The following PPP2R2C variants were observed in gnomAD, a reference collection of about 807,000 sequenced individuals.
The protein encoded by PPP2R2C is protein phosphatase 2, regulatory subunit B, gamma.
Under a neutral mutation model 45.3 loss-of-function variants are expected in PPP2R2C, and 10 were observed. The observed-to-expected ratio is 0.22, with a 90% CI of 0.14 to 0.37. The LOEUF (loss-of-function observed/expected upper bound fraction) is 0.37. Ranked by LOEUF, PPP2R2C falls within the 10% of genes least tolerant of loss-of-function variation. PPP2R2C has a pLI of 1.00. For missense variants in PPP2R2C, 308 were observed against 619.7 expected (o/e 0.50, Z 5.34); for synonymous variants, 257 against 245.4 (o/e 1.05, Z -0.44).
chr4:6,447,477 A>G (rs2108741606), intron 1 of PPP2R2C, among the ~76,000 whole-genome samples: 1 of 152,178 alleles, frequency 6.6e-6, no homozygotes, highest in East Asian at 1.9e-4. Flanking sequence ...TGTTGTGGAA[A>G]TGTGGATATT....
intron 2 of PPP2R2C, among the ~76,000 whole-genome samples, chr4:6,505,162 G>GAA (rs57523456): frequency 4.3e-4 from 64 of 147,464 alleles, no homozygotes; most frequent in Admixed American, 6.7e-4. Flanking sequence ...AAAGTGCTTG[G>GAA]AAAAAAAAAA....
At chr4:6,541,986 C>T (rs1724815642) in intron 1 of PPP2R2C, among the ~76,000 whole-genome samples, 1 of 152,228 alleles carries the variant, frequency 6.6e-6, no homozygotes, top group Non-Finnish European at 1.5e-5. Flanking sequence ...GGCTAAGCTG[C>T]CAAGTACTTT....
At chr4:6,562,468 C>CA (rs796787970) in intron 1 of PPP2R2C, among the ~76,000 whole-genome samples, 13 of 93,168 alleles carry the variant, frequency 1.4e-4, no homozygotes, top group Non-Finnish European at 2.9e-4. Context: ...TCAACGGAGT[C>CA]GGGGGGGGGG....
intron 2 of PPP2R2C, among the ~76,000 whole-genome samples, chr4:6,523,911 T>C (rs558055420): frequency 4.3e-4 from 65 of 152,204 alleles, no homozygotes; most frequent in African/African-American, 1.4e-3. Flanking sequence ...AGTTTTGTTT[T>C]TGTTTTTGTT....
intron 5 of PPP2R2C, among the ~76,000 whole-genome samples, chr4:6,362,114 G>A (rs1486767533): frequency 2.0e-5 from 3 of 152,100 alleles, no homozygotes; most frequent in Non-Finnish European, 2.9e-5. Flanking sequence ...CATGAGGGAG[G>A]GAGGCAGAGA....
intron 1 of PPP2R2C, among the ~76,000 whole-genome samples, chr4:6,429,841 C>T (rs1235191245): frequency 2.0e-5 from 3 of 152,134 alleles, no homozygotes; most frequent in South Asian, 4.2e-4. Context: ...GGCCAGTCCC[C>T]GAGAAGCCAG....
At chr4:6,416,707 T>G (rs1416211901) in intron 1 of PPP2R2C, among the ~76,000 whole-genome samples, 1 of 152,192 alleles carries the variant, frequency 6.6e-6, no homozygotes, top group East Asian at 1.9e-4. Context: ...GGACCACAGA[T>G]GCCAAGCAGC....
At position 6,323,466 on chromosome 4, in the gene PPP2R2C, A is replaced by T; in HGVS notation, c.1180T>A (p.Cys394Ser). 1 of 1,612,990 alleles carries T rather than the reference A, an allele frequency of 6.2e-7. No homozygotes were observed. The highest frequency in any genetic ancestry group is 1.1e-5 in the South Asian group (1 of 91,040). The change falls in exon 9 of 9, where the codon TGC becomes AGC. Residue 394 changes from cysteine (C) to serine (S), a missense_variant. Coordinates refer to ENST00000382599, the MANE Select transcript of PPP2R2C (RefSeq NM_020416.4). ...PRAVLKPRRVCVGGKRRRDDI... is the reference protein window; with the variant it reads ...PRAVLKPRRVSVGGKRRRDDI... ...TCACGCCGGCGCTTGCCCCCCACGC[A>T]CACGCGCCGTGGCTTGAGCACAGCC...
chr4:6,475,657 TTCAGTGGCACCACCTTTCGCTGCCACTTC>T (rs1722116205), upstream of PPP2R2C, among the ~76,000 whole-genome samples: 2 of 152,202 alleles, frequency 1.3e-5, no homozygotes, highest in Non-Finnish European at 2.9e-5. Context: ...CTCCCTTTAC[TTCAGTGGCACCACCTTTCGCTGCCACTTC>T]TCAGCAGGTT....
intron 1 of PPP2R2C, among the ~76,000 whole-genome samples, chr4:6,414,996 C>T (rs775990647): frequency 1.3e-5 from 2 of 152,232 alleles, no homozygotes; most frequent in African/African-American, 4.8e-5. Flanking sequence ...AAGAGCATCT[C>T]GCTCACACGA....
chr4:6,483,145 T>TATA (rs376482565), intron 2 of PPP2R2C, among the ~76,000 whole-genome samples: 1 of 103,514 alleles, frequency 9.7e-6, no homozygotes, highest in Non-Finnish European at 2.1e-5. Context: ...ATAGATAGAT[T>TATA]GATTGATTGA....
At chr4:6,365,979 C>T (rs1714262708) in intron 5 of PPP2R2C, among the ~76,000 whole-genome samples, 1 of 152,186 alleles carries the variant, frequency 6.6e-6, no homozygotes, top group South Asian at 2.1e-4. Flanking sequence ...TGTTAACAGT[C>T]TCAAAATGTT....
intron 1 of PPP2R2C, among the ~76,000 whole-genome samples, chr4:6,443,782 C>G (rs554301459): frequency 8.5e-5 from 13 of 152,262 alleles, no homozygotes; most frequent in East Asian, 7.7e-4. Context: ...CCACCGCCCC[C>G]CCGGAGTCCT....
At chr4:6,386,544 G>A (rs575906683) in intron 1 of PPP2R2C, among the ~76,000 whole-genome samples, 21 of 152,336 alleles carry the variant, frequency 1.4e-4, no homozygotes, top group African/African-American at 4.6e-4. Flanking sequence ...CACCACTCAC[G>A]ACTGCAGATG....
Position 6,378,407 on chromosome 4 carries a change from C to T in PPP2R2C, c.334G>A (p.Asp112Asn). ...CAAGCGAGGCCGGGCAGCGCCTCAC[C>T]GTTGGTGGACAGGAGTGAGTGGGCG... ...NAAHSLLSTNDKTIKLWKITE... is the reference protein window; with the variant it reads ...NAAHSLLSTNNKTIKLWKITE... Residue 112 changes from aspartate (D) to asparagine (N), a missense_variant and splice_region_variant, in exon 3 of 9, where the codon GAT becomes AAT. Asp to Asn is a conservative substitution (Grantham distance 23, BLOSUM62 1). Coordinates refer to ENST00000382599, the MANE Select transcript of PPP2R2C (RefSeq NM_020416.4). This position sits in a 1 kb window ranked among gnomAD's most constrained non-coding sequence, Gnocchi z 5.2. 2 of 1,614,172 alleles carry T rather than the reference C, an allele frequency of 1.2e-6. No individual in the cohort carries two copies. Among genetic ancestry groups the T allele is most frequent in the Non-Finnish European group, 1.7e-6 (2 of 1,180,044 alleles).
At chr4:6,372,490 G>A (rs1032605619) in intron 5 of PPP2R2C, 33 bp downstream of exon 5, 9 of 1,538,032 alleles carry the variant, frequency 5.9e-6, no homozygotes, top group Non-Finnish European at 7.0e-6. Flanking sequence ...CTCTGCCCGT[G>A]GGAGGCACTG....
chr4:6,429,296 T>A (rs1160583276), intron 1 of PPP2R2C, among the ~76,000 whole-genome samples: 4 of 152,248 alleles, frequency 2.6e-5, no homozygotes, highest in African/African-American at 9.6e-5. Flanking sequence ...ATTTCTAGGC[T>A]TATTTTTCAC....
intron 1 of PPP2R2C, among the ~76,000 whole-genome samples, chr4:6,456,894 A>G (rs2108752994): frequency 6.6e-6 from 1 of 152,282 alleles, no homozygotes; most frequent in Middle Eastern, 3.4e-3. Flanking sequence ...TCCTTGCTGT[A>G]CGGGTGGTGT....
intron 1 of PPP2R2C, among the ~76,000 whole-genome samples, chr4:6,454,374 C>T (rs951856931): frequency 2.0e-5 from 3 of 152,188 alleles, no homozygotes; most frequent in African/African-American, 4.8e-5. Context: ...ACTGAGATGT[C>T]CCAGGGGTCA....
Sources: gnomAD v4.1 joint callset for allele counts (sites outside exome capture counted in the v4.1 genomes callset) on GRCh38, gnomAD v4.1.1 for gene constraint, Gnocchi (gnomAD v3.1) non-coding constraint, MANE v1.5 for transcripts, NCBI Gene and HGNC (gene_info 2026-07-23, HGNC 2026-07-21) for gene names.